SLC5A5: variants seen among roughly 807,000 people sequenced by gnomAD.
SLC5A5 encodes sodium/iodide cotransporter.
In SLC5A5, 56 loss-of-function variants were observed where a neutral mutation model predicts 68.6. The observed-to-expected ratio is 0.82, with a 90% CI of 0.66 to 1.02. The LOEUF (loss-of-function observed/expected upper bound fraction) is 1.02, where lower values mean the gene tolerates loss of function less well. Ranked by LOEUF, SLC5A5 falls within the 50% of genes least tolerant of loss-of-function variation. The probability of loss-of-function intolerance (pLI) is 0.00; values close to 1 mark genes in which losing one functional copy is unlikely to be tolerated. For synonymous variants in SLC5A5, 398 were observed against 373.0 expected (o/e 1.07, Z -0.77); for missense variants, 807 against 859.8 (o/e 0.94, Z 0.77).
At chr19:17,892,171 G>A (rs2030198988) in intron 14 of SLC5A5, among the ~76,000 whole-genome samples, 1 of 151,926 alleles carries the variant, frequency 6.6e-6, no homozygotes, top group Non-Finnish European at 1.5e-5. Flanking sequence ...GCGTGTGCCT[G>A]TAATCCCAGC....
At position 17,882,055 on chromosome 19, in the gene SLC5A5, T is replaced by C; in HGVS notation, c.1154T>C (p.Ile385Thr). Reference sequence around the variant, plus strand: ...AGCCTGGCACCCAGGAAACTCGTGATTATCTCCAAGGGGCTCTGTGAGTTT... The same window carrying C: ...AGCCTGGCACCCAGGAAACTCGTGACTATCTCCAAGGGGCTCTGTGAGTTT... ...LRSLAPRKLV[I>T]ISKGLSLIYG... Residue 385 changes from isoleucine (I) to threonine (T), a missense_variant, in exon 9 of 15, where the codon ATT becomes ACT. Physicochemically the swap from Ile to Thr is moderately conservative, Grantham distance 89. Transcript: ENST00000222248. 1 of 1,614,018 alleles carries C rather than the reference T, an allele frequency of 6.2e-7. No individual in the cohort carries two copies. The highest frequency in any genetic ancestry group is 8.5e-7 in the Non-Finnish European group (1 of 1,179,876).
chr19:17,891,228 CAG>C (rs2030156981), intron 14 of SLC5A5, among the ~76,000 whole-genome samples: 1 of 151,942 alleles, frequency 6.6e-6, no homozygotes. Flanking sequence ...TTTTTTGAGA[CAG>C]AGTCTCGCTC....
intron 4 of SLC5A5, among the ~76,000 whole-genome samples, chr19:17,875,672 G>A (rs928128133): frequency 2.4e-4 from 36 of 151,034 alleles, no homozygotes; most frequent in African/African-American, 6.9e-4. Flanking sequence ...CAGCTACTCC[G>A]GAGGCTGAGG....
At chr19:17,873,991 C>T (rs1319266934) in intron 1 of SLC5A5, 147 bp from the exon 2 acceptor site, 5 of 699,932 alleles carry the variant, frequency 7.1e-6, no homozygotes, top group Non-Finnish European at 1.3e-5. Flanking sequence ...CGGGTGTGTG[C>T]GTGCGGCGGG....
intron 12 of SLC5A5, 149 bp downstream of exon 12, chr19:17,884,195 C>A (rs1320487313): frequency 8.2e-6 from 6 of 733,344 alleles, no homozygotes; most frequent in Non-Finnish European, 1.2e-5. Flanking sequence ...GCCCTGAGGC[C>A]ACAATCGGGT....
chr19:17,885,203 G>T (rs1053394312), intron 12 of SLC5A5, among the ~76,000 whole-genome samples: 1 of 151,780 alleles, frequency 6.6e-6, no homozygotes, highest in Non-Finnish European at 1.5e-5. Context: ...TAGAGACAGG[G>T]TCTGGCTATG....
At position 17,882,165 on chromosome 19, in the gene SLC5A5, G is replaced by A. The variant is rs376858123; in HGVS notation, c.1188G>A (p.Ser396=). Residue 396 remains serine, a synonymous_variant, in exon 10 of 15, where the codon TCG becomes TCA. Coordinates refer to ENST00000222248, the MANE Select transcript of SLC5A5 (RefSeq NM_000453.3). Reference sequence around the variant, plus strand: ...CCACTACAGCACTCATCTACGGATCGGCCTGTCTCACCGTGGCAGCCCTGT... The same window carrying A: ...CCACTACAGCACTCATCTACGGATCAGCCTGTCTCACCGTGGCAGCCCTGT... ...ISKGLSLIYG[S]ACLTVAALSS... 2.4e-5 allele frequency: 39 copies of A among 1,613,946 alleles called. No homozygotes were observed. The highest frequency in any genetic ancestry group is 2.3e-4 in the African/African-American group (17 of 74,904).
At chr19:17,891,040 AAGTG>A in intron 14 of SLC5A5, 39 bp downstream of exon 14, 1 of 1,325,874 alleles carries the variant, frequency 7.5e-7, no homozygotes, top group South Asian at 1.2e-5. Context: ...AGAGGCAGCC[AAGTG>A]ACTTTAGGAC....
chr19:17,893,137 A>G (rs1487395905), intron 14 of SLC5A5, among the ~76,000 whole-genome samples: 1 of 121,560 alleles, frequency 8.2e-6, no homozygotes. Context: ...GACTCACTCT[A>G]TTGCCCAGGC....
At chr19:17,875,377 T>TATAATA (rs548265014) in intron 4 of SLC5A5, among the ~76,000 whole-genome samples, 15 of 148,114 alleles carry the variant, frequency 1.0e-4, no homozygotes, top group Admixed American at 1.3e-4. Context: ...CTCAAAAAAA[T>TATAATA]ATAATAATAA....
chr19:17,883,106 C>T (rs944185498), intron 10 of SLC5A5, among the ~76,000 whole-genome samples: 1 of 152,084 alleles, frequency 6.6e-6, no homozygotes, highest in African/African-American at 2.4e-5. Flanking sequence ...AGGTGTGAGC[C>T]ACCACGCCTG....
In SLC5A5 at chr19:17,872,416, T is replaced by C. The variant is rs1415987009; in HGVS notation, c.97T>C (p.Trp33Arg). The change falls in exon 1 of 15, where the codon TGG becomes CGG. Residue 33 changes from tryptophan to arginine, a missense_variant. Physicochemically the swap from Trp to Arg is moderately radical, Grantham distance 101 (BLOSUM62 -3). Coordinates refer to ENST00000222248, the MANE Select transcript of SLC5A5 (RefSeq NM_000453.3). ...MLLVSTGIGL[W>R]VGLARGGQRS... ...CCTGGTGTCCACTGGCATCGGGCTG[T>C]GGGTCGGGCTGGCTCGGGGCGGGCA... The C allele has an allele frequency of 2.5e-6, 4 of 1,607,998 alleles. No individual in the cohort carries two copies. The highest frequency in any genetic ancestry group is 3.4e-6 in the Non-Finnish European group (4 of 1,177,162).
At position 17,883,740 on chromosome 19, in the gene SLC5A5, A is replaced by C; in HGVS notation, c.1302A>C (p.Gly434=). The C allele has an allele frequency of 6.4e-7, 1 of 1,572,206 alleles. No homozygotes were observed. The highest frequency in any genetic ancestry group is 1.4e-5 in the African/African-American group (1 of 73,134). The part of the protein sequence containing the change: ...SGPLLGAFIL[G]MFLPACNTPG... Reference sequence around the variant, plus strand: ...CCCTGCTGGGAGCCTTCATCTTGGGAATGTTCCTGCCGGCCTGCAACACAC... The same window carrying C: ...CCCTGCTGGGAGCCTTCATCTTGGGCATGTTCCTGCCGGCCTGCAACACAC... Residue 434 remains glycine, a synonymous_variant, in exon 11 of 15, where the codon GGA becomes GGC. Transcript: ENST00000222248.
At position 17,874,240 on chromosome 19, in the gene SLC5A5, C is replaced by T. The variant is rs566756194; in HGVS notation, c.423+37C>T. 8.2e-6 allele frequency: 12 copies of T among 1,470,578 alleles called. No individual in the cohort carries two copies. In the East Asian group the frequency reaches 2.7e-4, roughly 33 times the overall value. 91.1% of individuals were successfully genotyped at this position (1,470,578 alleles called of 1,614,324 possible). On this transcript the variant is annotated intron_variant, in intron 2 of 14. Coordinates refer to ENST00000222248, the MANE Select transcript of SLC5A5 (RefSeq NM_000453.3). ...CGGCCCCGCCCTCCGCTCAGGGCCCCGAGAGCGTCAGCCTTCACTAGCCCG... is the reference window on the plus strand; with the variant it reads ...CGGCCCCGCCCTCCGCTCAGGGCCCTGAGAGCGTCAGCCTTCACTAGCCCG...
At chr19:17,880,207 TC>T (rs2147738630) in intron 7 of SLC5A5, among the ~76,000 whole-genome samples, 1 of 146,682 alleles carries the variant, frequency 6.8e-6, no homozygotes, top group East Asian at 2.1e-4. Flanking sequence ...GGCCTTTCTT[TC>T]TTTTCTTTCT....
At chr19:17,886,242 A>G (rs948103119) in intron 12 of SLC5A5, among the ~76,000 whole-genome samples, 1 of 151,304 alleles carries the variant, frequency 6.6e-6, no homozygotes, top group African/African-American at 2.4e-5. Flanking sequence ...TGGTATGGAC[A>G]TATGTTTTAA....
chr19:17,876,305 T>C (rs2094307112), intron 5 of SLC5A5, among the ~76,000 whole-genome samples, 199 bp downstream of exon 5: 1 of 151,666 alleles, frequency 6.6e-6, no homozygotes, highest in South Asian at 2.1e-4. Flanking sequence ...GGTGCACCTG[T>C]GGTCCCAGGT....
chr19:17,888,229 A>G (rs966956401), intron 12 of SLC5A5, 102 bp from the exon 13 acceptor site: 11 of 1,413,542 alleles, frequency 7.8e-6, no homozygotes, highest in Admixed American at 6.8e-5. Context: ...GTGCTAGGCC[A>G]TGGCAGTTGG....
chr19:17,884,040 C>A lies in SLC5A5; in HGVS notation c.1520C>A (p.Ala507Asp). ...CTCCCTGCTAACGACTCCAGCAGGG[C>A]CCCCAGGTGAGCAGACTTGAGGGTA... ...ALLPANDSSR[A>D]PSSGMDASRP... is the part of the protein sequence containing the mutation. Residue 507 changes from alanine (A) to aspartate (D), a missense_variant, in exon 12 of 15, where the codon GCC becomes GAC. Physicochemically the swap from Ala to Asp is moderately radical, Grantham distance 126 (BLOSUM62 -2). Coordinates refer to ENST00000222248, the MANE Select transcript of SLC5A5 (RefSeq NM_000453.3). 1.3e-6 allele frequency: 2 copies of A among 1,562,420 alleles called. No homozygotes were observed.
Sources: gnomAD v4.1 joint callset for allele counts (sites outside exome capture counted in the v4.1 genomes callset) on GRCh38, gnomAD v4.1.1 for gene constraint, MANE v1.5 for transcripts, NCBI Gene and HGNC (gene_info 2026-07-23, HGNC 2026-07-21) for gene names.